The following RIMS1 variants were observed in gnomAD, a reference collection of about 807,000 sequenced individuals.
RIMS1 encodes regulating synaptic membrane exocytosis 1.
In RIMS1, 83 loss-of-function variants were observed where a neutral mutation model predicts 214.1. The ratio of observed to expected loss-of-function variants is 0.39; its 90% CI spans 0.32 to 0.47. The LOEUF (loss-of-function observed/expected upper bound fraction) is 0.47, where lower values mean the gene tolerates loss of function less well. Among genes scored for constraint, RIMS1 ranks in the 20% least tolerant of loss-of-function variants. The pLI is 0.99. For synonymous variants in RIMS1, 793 were observed against 786.8 expected (o/e 1.01, Z -0.13); for missense variants, 2,050 against 2,161.8 (o/e 0.95, Z 1.03).
intron 1 of RIMS1, among the ~76,000 whole-genome samples, chr6:71,942,704 T>C (rs892721934): frequency 6.6e-6 from 1 of 151,954 alleles, no homozygotes; most frequent in African/African-American, 2.4e-5. Flanking sequence ...TAAAGAGATA[T>C]CAAAAGTGAC....
chr6:71,969,996 T>C (rs1216654125), intron 2 of RIMS1, among the ~76,000 whole-genome samples: 14 of 152,172 alleles, frequency 9.2e-5, no homozygotes, highest in Admixed American at 8.5e-4. Context: ...TATTTGGTCA[T>C]TGAAATGCTT....
At chr6:72,318,143 G>A (rs962764622) in intron 28 of RIMS1, among the ~76,000 whole-genome samples, 1 of 152,002 alleles carries the variant, frequency 6.6e-6, no homozygotes, top group Non-Finnish European at 1.5e-5. Flanking sequence ...CAAATAGCTA[G>A]GTTTAATTTT....
intron 29 of RIMS1, among the ~76,000 whole-genome samples, chr6:72,358,029 C>A (rs2097701054): frequency 6.6e-6 from 1 of 152,090 alleles, no homozygotes; most frequent in African/African-American, 2.4e-5. Flanking sequence ...CAGCTGGTGC[C>A]CGTTAGGAAA....
At chr6:71,923,174 A>G (rs1479013343) in intron 1 of RIMS1, among the ~76,000 whole-genome samples, 4 of 152,192 alleles carry the variant, frequency 2.6e-5, no homozygotes, top group Non-Finnish European at 5.9e-5. Flanking sequence ...ATAGGTTTCT[A>G]TATTTAAAAC....
At chr6:72,009,846 C>T (rs1303786691) in intron 2 of RIMS1, among the ~76,000 whole-genome samples, 2 of 152,198 alleles carry the variant, frequency 1.3e-5, no homozygotes, top group South Asian at 2.1e-4. Context: ...AGCTTCCCAA[C>T]CAAAAAAATC....
intron 29 of RIMS1, among the ~76,000 whole-genome samples, chr6:72,376,531 A>G (rs905093372): frequency 2.0e-4 from 30 of 152,160 alleles, no homozygotes; most frequent in African/African-American, 7.0e-4. Flanking sequence ...AGGCAGGCAG[A>G]TATCGGGAGC....
At chr6:72,338,811 C>T (rs1238800862) in intron 29 of RIMS1, among the ~76,000 whole-genome samples, 1 of 150,474 alleles carries the variant, frequency 6.6e-6, no homozygotes, top group Non-Finnish European at 1.5e-5. Context: ...TAAACCCAGG[C>T]TACCTGGTGC....
At chr6:72,209,989 A>G (rs1376878762) in intron 6 of RIMS1, among the ~76,000 whole-genome samples, 1 of 152,130 alleles carries the variant, frequency 6.6e-6, no homozygotes, top group Non-Finnish European at 1.5e-5. Flanking sequence ...AATAAATGGA[A>G]CTTTGGTACA....
intron 2 of RIMS1, among the ~76,000 whole-genome samples, chr6:72,042,779 T>C (rs1038194073): frequency 6.6e-6 from 1 of 151,784 alleles, no homozygotes; most frequent in African/African-American, 2.4e-5. Context: ...TTTCACATTA[T>C]AAATGCTTTT....
chr6:72,207,183 T>A (rs1287511225), intron 6 of RIMS1, among the ~76,000 whole-genome samples: 1 of 152,220 alleles, frequency 6.6e-6, no homozygotes, highest in African/African-American at 2.4e-5. Context: ...AGCCTTCTAT[T>A]CTGGAAAACC....
At position 72,246,426 on chromosome 6, in the gene RIMS1, G is replaced by A. The variant is rs115124608; in HGVS notation, c.2128+565G>A. Among the ~76,000 whole-genome samples, 554 of 152,252 alleles carry A rather than the reference G, an allele frequency of 3.6e-3. 4 individuals carry two copies. The highest frequency in any genetic ancestry group is 0.013 in the African/African-American group (520 of 41,544). On this transcript the variant is annotated intron_variant, in intron 11 of 33. Coordinates refer to ENST00000521978, the MANE Select transcript of RIMS1 (RefSeq NM_014989.7). ...TCTGTATGACAGAAGATGATATTGTGTGCAATAAAATATAGACAATTAAGT... is the reference window on the plus strand; with the variant it reads ...TCTGTATGACAGAAGATGATATTGTATGCAATAAAATATAGACAATTAAGT...
intron 22 of RIMS1, among the ~76,000 whole-genome samples, chr6:72,267,556 C>G (rs1011443435): frequency 5.9e-5 from 9 of 152,070 alleles, no homozygotes; most frequent in Non-Finnish European, 1.2e-4. Context: ...ATTTTGCACT[C>G]CCTTTTTTAC....
intron 6 of RIMS1, among the ~76,000 whole-genome samples, chr6:72,194,801 G>A (rs1440413063): frequency 6.6e-6 from 1 of 152,044 alleles, no homozygotes; most frequent in African/African-American, 2.4e-5. Context: ...TATCTGGTGG[G>A]ATTATCTAAA....
At chr6:71,902,127 G>C (rs1449329334) in intron 1 of RIMS1, among the ~76,000 whole-genome samples, 2 of 152,104 alleles carry the variant, frequency 1.3e-5, no homozygotes, top group African/African-American at 4.8e-5. Context: ...GAATACAGTG[G>C]AGGAGGTGGT....
At chr6:71,980,902 C>T (rs1194693124) in intron 2 of RIMS1, among the ~76,000 whole-genome samples, 1 of 151,836 alleles carries the variant, frequency 6.6e-6, no homozygotes, top group African/African-American at 2.4e-5. Flanking sequence ...TGGGAATTAC[C>T]AAAGGAGAGT....
At chr6:72,209,797 A>G (rs1445390970) in intron 6 of RIMS1, among the ~76,000 whole-genome samples, 1 of 149,562 alleles carries the variant, frequency 6.7e-6, no homozygotes, top group East Asian at 2.0e-4. Context: ...GCTACTCGGG[A>G]GGCTGAGGCA....
Position 72,349,182 on chromosome 6 carries a change from T to A in RIMS1, c.4366+15347T>A, listed in dbSNP as rs193221314. 8.5e-5 allele frequency among the ~76,000 whole-genome samples: 13 copies of A among 152,168 alleles called. No homozygotes were observed. In the East Asian group the frequency reaches 2.5e-3, roughly 29 times the overall value. On this transcript the variant is annotated intron_variant, in intron 29 of 33. Coordinates refer to ENST00000521978, the MANE Select transcript of RIMS1 (RefSeq NM_014989.7). ...CGAAAAATGTGGTACACCCAATGAT[T>A]AGTCATAGTTTTAGTGAAGCTTAAC...
At chr6:72,316,169 C>T (rs754258193) in intron 28 of RIMS1, among the ~76,000 whole-genome samples, 27 of 152,186 alleles carry the variant, frequency 1.8e-4, no homozygotes, top group Non-Finnish European at 3.2e-4. Context: ...TACTCCCTAA[C>T]CTTTTTCCCA....
intron 1 of RIMS1, among the ~76,000 whole-genome samples, chr6:71,932,495 G>A (rs2150920129): frequency 6.6e-6 from 1 of 152,134 alleles, no homozygotes; most frequent in East Asian, 1.9e-4. Context: ...GTGGGAGGAG[G>A]GAGAAGATCA....
Sources: gnomAD v4.1 joint callset for allele counts (sites outside exome capture counted in the v4.1 genomes callset) on GRCh38, gnomAD v4.1.1 for gene constraint, MANE v1.5 for transcripts, NCBI Gene and HGNC (gene_info 2026-07-23, HGNC 2026-07-21) for gene names.